Variants in THSD4 observed in about 807,000 individuals in gnomAD.
THSD4 encodes the protein thrombospondin type-1 domain-containing protein 4.
Under a neutral mutation model 119.0 loss-of-function variants are expected in THSD4, and 69 were observed. The ratio of observed to expected loss-of-function variants is 0.58; its 90% CI spans 0.48 to 0.71. THSD4 has a LOEUF of 0.71. Ranked by LOEUF, THSD4 falls within the 30% of genes least tolerant of loss-of-function variation. The pLI is 0.00. For synonymous variants in THSD4, 524 were observed against 540.4 expected, an observed-to-expected ratio of 0.97 and a Z score of 0.42; for missense variants, 1,393 against 1,391.1, an observed-to-expected ratio of 1.00 and a Z score of -0.02.
intron 7 of THSD4, among the ~76,000 whole-genome samples, chr15:71,515,043 T>A (rs1489580586): frequency 6.6e-6 from 1 of 152,224 alleles, no homozygotes. Flanking sequence ...AGGAAAACTC[T>A]AGAAGTGGAA....
chr15:71,547,515 A>G (rs2048855700), intron 7 of THSD4: 1 of 1,546,918 alleles, frequency 6.5e-7, no homozygotes, highest in East Asian at 2.4e-5. Context: ...CAGAAGTTGT[A>G]TTTTTTTTCA....
chr15:71,620,817 C>T (rs1469863103), intron 7 of THSD4, among the ~76,000 whole-genome samples: 1 of 152,062 alleles, frequency 6.6e-6, no homozygotes. Context: ...GTAGTGGAGA[C>T]ATGTCTTAAC....
intron 6 of THSD4, chr15:71,341,295 T>G: frequency 1.2e-6 from 2 of 1,600,046 alleles, no homozygotes; most frequent in Non-Finnish European, 1.7e-6. Context: ...GGAGAGCTCA[T>G]GTATGGGTTA....
intron 14 of THSD4, among the ~76,000 whole-genome samples, chr15:71,749,853 C>T (rs533640592): frequency 6.5e-4 from 99 of 151,968 alleles, no homozygotes; most frequent in East Asian, 7.8e-4. Flanking sequence ...CCCTGCCCCC[C>T]TCCCGCCAAC....
intron 6 of THSD4, among the ~76,000 whole-genome samples, chr15:71,322,005 A>G (rs2045275756): frequency 1.3e-5 from 2 of 152,172 alleles, no homozygotes; most frequent in South Asian, 2.1e-4. Context: ...TGTAGAACTG[A>G]GTAAAATGAT....
chr15:71,713,324 C>T (rs892068521), intron 8 of THSD4, among the ~76,000 whole-genome samples: 15 of 152,182 alleles, frequency 9.9e-5, no homozygotes, highest in African/African-American at 3.4e-4. Context: ...TTGGTCCTTC[C>T]TGCTGTTTTC....
intron 4 of THSD4, among the ~76,000 whole-genome samples, chr15:71,233,121 G>A (rs868381668): frequency 3.3e-5 from 5 of 152,198 alleles, no homozygotes; most frequent in African/African-American, 1.2e-4. Context: ...ATCTTTCTGG[G>A]AGTATATGAC....
At chr15:71,466,710 G>A (rs992442880) in intron 7 of THSD4, among the ~76,000 whole-genome samples, 31 of 152,242 alleles carry the variant, frequency 2.0e-4, no homozygotes, top group African/African-American at 6.5e-4. Context: ...TCTCTCATCC[G>A]ATTTCTGAAT....
chr15:71,256,320 C>T (rs900196860), intron 5 of THSD4, among the ~76,000 whole-genome samples: 2 of 151,574 alleles, frequency 1.3e-5, no homozygotes, highest in Admixed American at 1.3e-4. Context: ...ACAAAAAATA[C>T]AAAAATTAGC....
intron 7 of THSD4, among the ~76,000 whole-genome samples, chr15:71,493,596 C>G (rs2047959470): frequency 6.6e-6 from 1 of 152,136 alleles, no homozygotes; most frequent in Non-Finnish European, 1.5e-5. Context: ...GGGGCGTTAG[C>G]TTTACTCTGA....
At chr15:71,242,513 G>A in intron 4 of THSD4, 136 bp from the exon 5 acceptor site, 1 of 904,624 alleles carries the variant, frequency 1.1e-6, no homozygotes, top group South Asian at 1.7e-5. Flanking sequence ...CGTTCCCCCT[G>A]CTTCCCAGTT....
At chr15:71,740,818 C>T (rs1367412457) in intron 11 of THSD4, among the ~76,000 whole-genome samples, 1 of 152,180 alleles carries the variant, frequency 6.6e-6, no homozygotes, top group Non-Finnish European at 1.5e-5. Flanking sequence ...AAGTCCTGCT[C>T]GTACTCCAAG....
chr15:71,270,090 GA>G (rs1371995484), intron 6 of THSD4, among the ~76,000 whole-genome samples: 2 of 151,860 alleles, frequency 1.3e-5, no homozygotes, highest in African/African-American at 2.4e-5. Context: ...CACAGATTTG[GA>G]AAAAAACACT....
rs2046789857 is a variant in THSD4 at position 71,419,666 on chromosome 15, T to C, written c.1152+7843T>C. Among the ~76,000 whole-genome samples, 2 of 108,640 alleles carry C rather than the reference T, an allele frequency of 1.8e-5. 1 individual carries two copies. Among genetic ancestry groups the C allele is most frequent in the African/African-American group, 6.3e-5 (2 of 31,878 alleles). The allele number at this position is 108,640 out of a possible 152,430, so 71.3% of individuals were successfully genotyped here. On this transcript the variant is annotated intron_variant, in intron 7 of 17. Transcript: ENST00000261862. ...TCAGTGTATCCCATAGATTTTGGTATGCTGTGTTTCCATGATCATTTGTTT... is the reference window on the plus strand; with the variant it reads ...TCAGTGTATCCCATAGATTTTGGTACGCTGTGTTTCCATGATCATTTGTTT...
intron 4 of THSD4, among the ~76,000 whole-genome samples, chr15:71,238,813 A>C (rs764318755): frequency 6.6e-6 from 1 of 152,176 alleles, no homozygotes; most frequent in Non-Finnish European, 1.5e-5. Context: ...TATACCTAGG[A>C]CTGCAATTGC....
At chr15:71,662,650 C>A (rs1454260254) in intron 8 of THSD4, among the ~76,000 whole-genome samples, 1 of 151,966 alleles carries the variant, frequency 6.6e-6, no homozygotes, top group East Asian at 1.9e-4. Flanking sequence ...GCTGTGCCCC[C>A]TGAATAAAAA....
chr15:71,355,908 C>A lies in THSD4; in HGVS notation c.1016-55779C>A, dbSNP rs1376345119. On this transcript the variant is annotated intron_variant, in intron 6 of 17. Transcript: ENST00000261862. ...TTTGAGATGGAGTCTCACTTTGTTGCCCAGGCTGGAGGGCAGTGGCACAAT... is the reference window on the plus strand; with the variant it reads ...TTTGAGATGGAGTCTCACTTTGTTGACCAGGCTGGAGGGCAGTGGCACAAT... 2.6e-5 allele frequency among the ~76,000 whole-genome samples: 4 copies of A among 152,096 alleles called. No homozygotes were observed. The East Asian group carries it at 7.7e-4, about 29-fold the overall frequency.
At chr15:71,491,703 G>GAA (rs11398792) in intron 7 of THSD4, among the ~76,000 whole-genome samples, 96 of 150,334 alleles carry the variant, frequency 6.4e-4, no homozygotes, top group Middle Eastern at 3.4e-3. Flanking sequence ...GACTCCATCT[G>GAA]AAAAAAAAAA....
intron 6 of THSD4, among the ~76,000 whole-genome samples, chr15:71,365,129 C>T (rs1040911278): frequency 3.3e-5 from 2 of 60,916 alleles, no homozygotes; most frequent in Admixed American, 4.3e-4. Context: ...CTGCCCCCCC[C>T]ATTGTGTGTG....
Sources: allele counts gnomAD v4.1 joint callset (sites outside exome capture counted in the v4.1 genomes callset), GRCh38; gene constraint gnomAD v4.1.1; transcripts MANE v1.5; gene names NCBI Gene and HGNC (gene_info 2026-07-23, HGNC 2026-07-21).